CLUL1: variants seen among roughly 807,000 people sequenced by gnomAD.
The protein encoded by CLUL1 is clusterin like 1, also known as clusterin-like protein 1.
Under a neutral mutation model 49.4 loss-of-function variants are expected in CLUL1, and 43 were observed. The observed-to-expected ratio is 0.87, with a 90% CI of 0.68 to 1.12. CLUL1 has a LOEUF of 1.12. Among genes scored for constraint, CLUL1 ranks in the 50% most tolerant of loss-of-function variants. The pLI is 0.00. For missense variants in CLUL1, 486 were observed against 544.4 expected (o/e 0.89, Z 1.07); for synonymous variants, 192 against 184.9 (o/e 1.04, Z -0.31).
intron 9 of CLUL1, among the ~76,000 whole-genome samples, chr18:645,810 A>AAAAAAAAAAT (rs1451607900): frequency 3.3e-4 from 10 of 29,866 alleles, no homozygotes; most frequent in African/African-American, 8.3e-4. Context: ...AAAAAAAAAA[A>AAAAAAAAAAT]ATATATATAT....
chr18:645,363 T>G (rs2074443953), intron 9 of CLUL1: 1 of 287,012 alleles, frequency 3.5e-6, no homozygotes, highest in Non-Finnish European at 6.4e-6. Flanking sequence ...TTTTGAAAGC[T>G]ATTTGATTAT....
chr18:645,084 C>G lies in CLUL1; in HGVS notation c.1384C>G (p.His462Asp), dbSNP rs1368516363. The G allele has an allele frequency of 6.2e-7, 1 of 1,601,710 alleles. No individual in the cohort carries two copies. The highest frequency in any genetic ancestry group is 8.5e-7 in the Non-Finnish European group (1 of 1,174,798). The change falls in exon 9 of 10, where the codon CAT (histidine) becomes GAT (aspartate). Residue 462 changes from histidine to aspartate, a missense_variant. By Grantham distance (81) the His-to-Asp change is moderately conservative. Transcript: ENST00000692774. ...VAKALQHFKE[H>D]FKTW ...AAAAGCTCTACAGCATTTTAAGGAA[C>G]ATTTTAAAACCTGGTAAGCAGAGTG...
At chr18:630,637 C>T (rs1598432734) in intron 6 of CLUL1, among the ~76,000 whole-genome samples, 1 of 143,996 alleles carries the variant, frequency 6.9e-6, no homozygotes, top group East Asian at 2.1e-4. Flanking sequence ...GAATTCTCCT[C>T]TAGAGCCTCC....
At chr18:624,437 A>G (rs1452195899) in intron 4 of CLUL1, among the ~76,000 whole-genome samples, 1 of 152,202 alleles carries the variant, frequency 6.6e-6, no homozygotes, top group Non-Finnish European at 1.5e-5. Context: ...GCATAAATGA[A>G]AGAATTAAAA....
intron 1 of CLUL1, among the ~76,000 whole-genome samples, chr18:598,827 C>T (rs2072734751): frequency 6.6e-6 from 1 of 152,082 alleles, no homozygotes; most frequent in Non-Finnish European, 1.5e-5. Flanking sequence ...AAAAAGCACC[C>T]CCTCTTTCTT....
chr18:624,043 T>C (rs1465835960), intron 4 of CLUL1, among the ~76,000 whole-genome samples: 1 of 152,086 alleles, frequency 6.6e-6, no homozygotes, highest in Non-Finnish European at 1.5e-5. Context: ...AGCCAGAGGT[T>C]TGGGCAGGGG....
chr18:642,262 C>G (rs1488152101), intron 8 of CLUL1, among the ~76,000 whole-genome samples: 1 of 152,076 alleles, frequency 6.6e-6, no homozygotes, highest in Admixed American at 6.6e-5. Context: ...GAAACCCCGT[C>G]TCTACCAAAA....
At position 639,763 on chromosome 18, in the gene CLUL1, T is replaced by C. The variant is rs1367130864; in HGVS notation, c.995-1564T>C. Among the ~76,000 whole-genome samples the C allele has an allele frequency of 7.9e-5, 12 of 151,484 alleles. 1 individual carries two copies. In the East Asian group the frequency reaches 1.9e-3, roughly 25 times the overall value. On this transcript the variant is annotated intron_variant, in intron 7 of 9. Transcript: ENST00000692774. ...CTGGGTAACAGAGTGATACTCTGTC[T>C]CAAACAAACAAACAAAAAAAACAAA...
rs539440868 is a variant in CLUL1, at chr18:641,126, A to G, written c.995-201A>G. On this transcript the variant is annotated intron_variant, in intron 7 of 9. Coordinates refer to ENST00000692774, the MANE Select transcript of CLUL1 (RefSeq NM_001393344.1). The stretch of plus-strand genomic sequence containing the variant: ...CCCAGTTTCTGTTACATAAAACCAT[A>G]TAATTAACAGTTAAACTGGATCTGG... 6.6e-5 allele frequency among the ~76,000 whole-genome samples: 10 copies of G among 152,324 alleles called. No individual in the cohort carries two copies. In the East Asian group the frequency reaches 1.9e-3, roughly 29 times the overall value.
At chr18:645,805 AAAAAAATATATATAT>A (rs1297387757) in intron 9 of CLUL1, among the ~76,000 whole-genome samples, 3 of 51,420 alleles carry the variant, frequency 5.8e-5, no homozygotes, top group African/African-American at 2.3e-4. Flanking sequence ...AAAAAAAAAA[AAAAAAATATATATAT>A]ATATATATAT....
rs765777001 is a variant in CLUL1, at chr18:645,050, C to T, written c.1350C>T (p.Tyr450=). The change falls in exon 9 of 10, where the codon TAC becomes TAT. Residue 450 remains tyrosine (Y), a synonymous_variant. Transcript: ENST00000692774. ...CTGAGAGTTCTAACTTCATTGGCTA[C>T]GTAGTGGCAAAAGCTCTACAGCATT... The part of the protein sequence containing the change: ...ESAESSNFIG[Y]VVAKALQHFK... 20 of 1,610,452 alleles carry T rather than the reference C, an allele frequency of 1.2e-5. No homozygotes were observed. Among genetic ancestry groups the T allele is most frequent in the African/African-American group, 6.7e-5 (5 of 74,794 alleles).
intron 6 of CLUL1, 190 bp downstream of exon 6, chr18:627,719 G>A (rs1377497306): frequency 3.1e-5 from 15 of 478,932 alleles, no homozygotes; most frequent in South Asian, 9.4e-5. Context: ...TTCCATCATC[G>A]TTGAGAACTG....
In CLUL1 at chr18:627,530, G is replaced by A. The variant is rs201193638; in HGVS notation, c.856+1G>A. The stretch of plus-strand genomic sequence containing the variant: ...GAAGATTTACCAAAACAAGACAAAG[G>A]CAAGTATTAAAAGATTACTTTTACT... On this transcript the variant is annotated splice_donor_variant, in intron 6 of 9. Coordinates refer to ENST00000692774, the MANE Select transcript of CLUL1 (RefSeq NM_001393344.1). LOFTEE classifies it high-confidence loss of function. 1.2e-4 allele frequency: 185 copies of A among 1,595,586 alleles called. No individual in the cohort carries two copies. Among genetic ancestry groups the A allele is most frequent in the Non-Finnish European group, 1.5e-4 (177 of 1,169,364 alleles).
intron 6 of CLUL1, among the ~76,000 whole-genome samples, chr18:631,061 G>A (rs1237795262): frequency 1.3e-5 from 2 of 151,906 alleles, no homozygotes; most frequent in African/African-American, 2.4e-5. Context: ...TTCATGGATG[G>A]GCCTTATTGG....
intron 6 of CLUL1, among the ~76,000 whole-genome samples, chr18:629,891 A>C (rs1005197404): frequency 6.6e-6 from 1 of 152,126 alleles, no homozygotes; most frequent in East Asian, 1.9e-4. Context: ...GGTTTCCATC[A>C]CTTTTCTGGA....
intron 2 of CLUL1, chr18:616,729 T>C: frequency 2.0e-6 from 2 of 983,646 alleles, no homozygotes; most frequent in Non-Finnish European, 2.4e-6. Flanking sequence ...CAGAAGCTGG[T>C]GGCAACTTCA....
intron 9 of CLUL1, among the ~76,000 whole-genome samples, chr18:645,947 C>T (rs7234641): frequency 1.4e-4 from 20 of 146,960 alleles, no homozygotes; most frequent in African/African-American, 4.3e-4. Context: ...TAAAAATATT[C>T]AAAAAATTTA....
At chr18:633,950 A>G (rs910194218) in intron 7 of CLUL1, among the ~76,000 whole-genome samples, 6 of 152,168 alleles carry the variant, frequency 3.9e-5, no homozygotes. Flanking sequence ...ATACTGACAT[A>G]CTGATTCTTT....
At chr18:628,214 C>T (rs1397377881) in intron 6 of CLUL1, among the ~76,000 whole-genome samples, 3 of 152,214 alleles carry the variant, frequency 2.0e-5, no homozygotes, top group Non-Finnish European at 4.4e-5. Context: ...ATCTGGAATC[C>T]TCAACTCCCA....
Sources: gnomAD v4.1 joint callset for allele counts (sites outside exome capture counted in the v4.1 genomes callset) on GRCh38, gnomAD v4.1.1 for gene constraint, MANE v1.5 for transcripts, NCBI Gene and HGNC (gene_info 2026-07-23, HGNC 2026-07-21) for gene names.